PC: variants seen among roughly 807,000 people sequenced by gnomAD.
PC encodes the protein pyruvate carboxylase, mitochondrial.
In PC, 46 loss-of-function variants were observed where a neutral mutation model predicts 107.8. That is an observed-to-expected ratio of 0.43 (90% CI 0.34 to 0.55). The LOEUF (loss-of-function observed/expected upper bound fraction) is 0.55. PC is among the 20% of genes least tolerant of loss of function. The probability of loss-of-function intolerance (pLI) is 0.04; values close to 1 mark genes in which losing one functional copy is unlikely to be tolerated. For missense variants in PC, 1,241 were observed against 1,643.1 expected (o/e 0.76, Z 4.23); for synonymous variants, 662 against 684.7 (o/e 0.97, Z 0.52).
chr11:66,874,289 T>C (rs959883757), intron 3 of PC, among the ~76,000 whole-genome samples: 4 of 152,128 alleles, frequency 2.6e-5, no homozygotes, highest in Admixed American at 6.6e-5. Context: ...GGTTTCACCA[T>C]GTTGGCCAGG....
chr11:66,955,992 C>G (rs900567425), intron 1 of PC, among the ~76,000 whole-genome samples: 4 of 151,778 alleles, frequency 2.6e-5, no homozygotes, highest in African/African-American at 9.7e-5. Context: ...AGGCTGGTCT[C>G]GAACTCCTGA....
rs562525622 is a variant in PC at position 66,898,659 on chromosome 11, GAC to G, written c.1-26502_1-26501del. Among the ~76,000 whole-genome samples, 137 of 152,190 alleles carry G rather than the reference GAC, an allele frequency of 9.0e-4. 1 individual carries two copies. The highest frequency in any genetic ancestry group is 3.2e-3 in the African/African-American group (134 of 41,528). On this transcript the variant is annotated intron_variant, in intron 3 of 22. Transcript: ENST00000393960. ...TGCGCCACTGCATTCCAGCCTGGGCGACAGAGCAAGACTCTGTCTCAAGAAAC... is the reference window on the plus strand; with the variant it reads ...TGCGCCACTGCATTCCAGCCTGGGCGAGAGCAAGACTCTGTCTCAAGAAAC...
intron 3 of PC, among the ~76,000 whole-genome samples, chr11:66,884,830 G>C (rs992346091): frequency 7.9e-5 from 12 of 152,188 alleles, no homozygotes; most frequent in Non-Finnish European, 1.5e-4. Context: ...GGCTGCGAGG[G>C]GCGACAGAGG....
intron 12 of PC, among the ~76,000 whole-genome samples, chr11:66,855,434 C>G (rs1170133109): frequency 3.3e-5 from 5 of 152,172 alleles, no homozygotes; most frequent in African/African-American, 1.2e-4. Context: ...CGTGCCTCAT[C>G]CCAACAGACA....
chr11:66,950,683 T>G (rs1949414804), intron 3 of PC, among the ~76,000 whole-genome samples: 1 of 152,138 alleles, frequency 6.6e-6, no homozygotes. Context: ...TCTTGGTGAC[T>G]GATTTTCCCT....
intron 10 of PC, among the ~76,000 whole-genome samples, chr11:66,867,669 C>T (rs1479843924): frequency 1.3e-5 from 2 of 152,186 alleles, no homozygotes; most frequent in African/African-American, 2.4e-5. Context: ...GACCTGAGAG[C>T]ACCTGAGCCC....
rs1030273445 is a variant in PC, at chr11:66,940,776, T to C, written c.-1+11654A>G. ...CCAAAGAAGATAGAAGATATACAAA[T>C]GGCCAATAAGCACATCACAAGATGC... On this transcript the variant is annotated intron_variant, in intron 3 of 22. Coordinates refer to ENST00000393960, the MANE Select transcript of PC (RefSeq NM_001040716.2). Among the ~76,000 whole-genome samples, 5 of 151,822 alleles carry C rather than the reference T, an allele frequency of 3.3e-5. No homozygotes were observed. The South Asian group carries it at 8.3e-4, about 25-fold the overall frequency.
At position 66,848,970 on chromosome 11, in the gene PC, T is replaced by C. The variant is rs1945303917; in HGVS notation, c.3466A>G (p.Thr1156Ala). The change falls in exon 23 of 23, where the codon ACT becomes GCT. Residue 1156 changes from threonine to alanine, a missense_variant. Thr to Ala is a moderately conservative substitution (Grantham distance 58). Coordinates refer to ENST00000393960, the MANE Select transcript of PC (RefSeq NM_001040716.2). ...ETVVTSPMEG[T>A]VRKVHVTKDM... ...TTGGTCACATGAACCTTGCGGACAG[T>C]ACCCTCCATGGGTGAGGTCACCACA... The C allele has an allele frequency of 9.9e-6, 16 of 1,614,088 alleles. No homozygotes were observed. Among genetic ancestry groups the C allele is most frequent in the Non-Finnish European group, 1.4e-5 (16 of 1,180,028 alleles).
intron 3 of PC, among the ~76,000 whole-genome samples, chr11:66,937,568 G>C (rs2380786): frequency 1 from 151,835 of 152,180 alleles, 75,746 homozygotes; most frequent in Non-Finnish European, 1. Flanking sequence ...GGACTCTCAT[G>C]ATGCATATGT....
chr11:66,848,437 C>T lies in PC; in HGVS notation c.*462G>A, dbSNP rs1945281728. The T allele has an allele frequency of 1.9e-6, 1 of 525,710 alleles. No homozygotes were observed. Among genetic ancestry groups the T allele is most frequent in the South Asian group, 3.4e-5 (1 of 29,800 alleles). 32.6% of individuals were successfully genotyped at this position (525,710 alleles called of 1,614,324 possible). On this transcript the variant is annotated 3_prime_UTR_variant, in exon 23 of 23. Transcript: ENST00000393960. ...CTACCCTCTGAGGAGAACGACACAACTGACCTGCCCACCCATGGGGAGCTT... is the reference window on the plus strand; with the variant it reads ...CTACCCTCTGAGGAGAACGACACAATTGACCTGCCCACCCATGGGGAGCTT...
Position 66,931,384 on chromosome 11 carries a change from GAAAAAAAAAAAA to G in PC, c.-1+21034_-1+21045del, listed in dbSNP as rs60081578. On this transcript the variant is annotated intron_variant, in intron 3 of 22. Coordinates refer to ENST00000393960, the MANE Select transcript of PC (RefSeq NM_001040716.2). ...GCAGAGTGGCAAGATTCCATCTCAAGAAAAAAAAAAAAAAAAAAAAAAGGAATAGCTGAGGGA... is the reference window on the plus strand; with the variant it reads ...GCAGAGTGGCAAGATTCCATCTCAAGAAAAAAAAAAGGAATAGCTGAGGGA... 8.2e-4 allele frequency among the ~76,000 whole-genome samples: 70 copies of G among 84,966 alleles called. 3 individuals are homozygous for G. The East Asian group carries it at 0.022, about 27-fold the overall frequency. 55.7% of individuals were successfully genotyped at this position (84,966 alleles called of 152,430 possible).
rs1591119982 is a variant in PC at position 66,851,296 on chromosome 11, A to C, written c.1983-16T>G. On this transcript the variant is annotated splice_polypyrimidine_tract_variant and intron_variant, in intron 16 of 22. Coordinates refer to ENST00000393960, the MANE Select transcript of PC (RefSeq NM_001040716.2). ...TTCACAGAACCTGCAAGGGTGAGAGAGCCCAGGGCTGAGCCCCACCCCACC... is the reference window on the plus strand; with the variant it reads ...TTCACAGAACCTGCAAGGGTGAGAGCGCCCAGGGCTGAGCCCCACCCCACC... 4 of 1,599,780 alleles carry C rather than the reference A, an allele frequency of 2.5e-6. No individual in the cohort carries two copies. The highest frequency in any genetic ancestry group is 1.3e-5 in the African/African-American group (1 of 75,034).
intron 12 of PC, among the ~76,000 whole-genome samples, chr11:66,855,707 G>C (rs1196716193): frequency 6.6e-6 from 1 of 152,220 alleles, no homozygotes; most frequent in South Asian, 2.1e-4. Flanking sequence ...AAACGCCACA[G>C]CTGAGGCCCA....
At chr11:66,931,708 G>T (rs989868989) in intron 3 of PC, among the ~76,000 whole-genome samples, 2 of 152,094 alleles carry the variant, frequency 1.3e-5, no homozygotes, top group Non-Finnish European at 2.9e-5. Flanking sequence ...GGGCACAGGA[G>T]AAACAAACAA....
intron 12 of PC, chr11:66,856,697 G>C (rs775967610): frequency 3.9e-5 from 6 of 152,490 alleles, no homozygotes; most frequent in Non-Finnish European, 7.3e-5. Flanking sequence ...AGGGTGCCCA[G>C]CGACATGTGA....
intron 3 of PC, among the ~76,000 whole-genome samples, chr11:66,893,319 G>A (rs1947640462): frequency 6.6e-6 from 1 of 152,216 alleles, no homozygotes; most frequent in African/African-American, 2.4e-5. Flanking sequence ...AGAGCAGTGG[G>A]TGGCATGCAA....
chr11:66,951,150 G>C (rs1455729210), intron 3 of PC, among the ~76,000 whole-genome samples: 1 of 152,124 alleles, frequency 6.6e-6, no homozygotes, highest in Non-Finnish European at 1.5e-5. Flanking sequence ...CCCACATAAT[G>C]GGTGGAAAAC....
chr11:66,899,139 G>A (rs961087708), intron 3 of PC, among the ~76,000 whole-genome samples: 2 of 152,090 alleles, frequency 1.3e-5, no homozygotes, highest in African/African-American at 2.4e-5. Flanking sequence ...CAAAGTGCTG[G>A]GATTACAGGG....
intron 3 of PC, among the ~76,000 whole-genome samples, chr11:66,900,090 T>C (rs1258926336): frequency 6.6e-6 from 1 of 152,186 alleles, no homozygotes; most frequent in East Asian, 1.9e-4. Context: ...TTCTATTCCA[T>C]TGATCTATAT....
Sources: gnomAD v4.1 joint callset for allele counts (sites outside exome capture counted in the v4.1 genomes callset) on GRCh38, gnomAD v4.1.1 for gene constraint, MANE v1.5 for transcripts, NCBI Gene and HGNC (gene_info 2026-07-23, HGNC 2026-07-21) for gene names.